The following COMMD1 variants were observed in gnomAD, a reference collection of about 807,000 sequenced individuals.
The protein encoded by COMMD1 is COMM domain-containing protein 1.
In COMMD1, 10 loss-of-function variants were observed where a neutral mutation model predicts 17.2. That is an observed-to-expected ratio of 0.58 (90% CI 0.36 to 0.99). The LOEUF is 0.99. COMMD1 is among the 50% of genes least tolerant of loss of function. The probability of loss-of-function intolerance (pLI) is 0.01; values close to 1 mark genes in which losing one functional copy is unlikely to be tolerated. For synonymous variants in COMMD1, 97 were observed against 91.6 expected, an observed-to-expected ratio of 1.06 and a Z score of -0.34; for missense variants, 270 against 231.8, an observed-to-expected ratio of 1.17 and a Z score of -1.07.
intron 1 of COMMD1, among the ~76,000 whole-genome samples, chr2:61,986,268 T>C (rs945238014): frequency 3.3e-4 from 50 of 152,014 alleles, no homozygotes; most frequent in African/African-American, 1.1e-3. Flanking sequence ...CTCCATTGCA[T>C]GTTATTTGTT....
chr2:61,966,395 C>CT (rs568748072), intron 1 of COMMD1, among the ~76,000 whole-genome samples: 3 of 152,140 alleles, frequency 2.0e-5, no homozygotes, highest in African/African-American at 4.8e-5. Context: ...AAATAAATTT[C>CT]TTTTTTTTAA....
intron 1 of COMMD1, among the ~76,000 whole-genome samples, chr2:61,994,369 A>T (rs1016833196): frequency 7.2e-5 from 11 of 152,226 alleles, no homozygotes; most frequent in African/African-American, 2.7e-4. Flanking sequence ...TGTTTATTGA[A>T]TTGTAATGTG....
intron 1 of COMMD1, among the ~76,000 whole-genome samples, chr2:61,911,567 C>T (rs1372796009): frequency 6.6e-6 from 1 of 152,192 alleles, no homozygotes; most frequent in Non-Finnish European, 1.5e-5. Flanking sequence ...GAACTGACCA[C>T]GAGTGATCCT....
At chr2:61,897,190 A>T (rs766635536) in intron 1 of COMMD1, among the ~76,000 whole-genome samples, 12 of 151,930 alleles carry the variant, frequency 7.9e-5, no homozygotes, top group Admixed American at 1.3e-4. Flanking sequence ...GTATTAAAAA[A>T]CCTTGTTAAA....
At chr2:62,109,407 C>T (rs181712341) in intron 2 of COMMD1, among the ~76,000 whole-genome samples, 1 of 152,226 alleles carries the variant, frequency 6.6e-6, no homozygotes, top group African/African-American at 2.4e-5. Context: ...GTAGCTACGC[C>T]CATCTCTTCT....
chr2:61,940,335 T>C (rs1173642693), intron 1 of COMMD1, among the ~76,000 whole-genome samples: 1 of 152,178 alleles, frequency 6.6e-6, no homozygotes, highest in Non-Finnish European at 1.5e-5. Flanking sequence ...ACAGTACCCA[T>C]TTTCATAAGA....
intron 2 of COMMD1, among the ~76,000 whole-genome samples, chr2:62,105,042 T>G (rs886296712): frequency 2.0e-5 from 3 of 151,738 alleles, no homozygotes; most frequent in African/African-American, 7.3e-5. Flanking sequence ...GGAGAATCGC[T>G]TGAACCTGGG....
chr2:61,948,734 CTT>C (rs1186990921), intron 1 of COMMD1, among the ~76,000 whole-genome samples: 1 of 152,150 alleles, frequency 6.6e-6, no homozygotes, highest in Non-Finnish European at 1.5e-5. Flanking sequence ...GCAGAGGAGA[CTT>C]TTAAGACTTT....
chr2:62,085,065 T>C (rs889424119), intron 2 of COMMD1, among the ~76,000 whole-genome samples: 3 of 152,190 alleles, frequency 2.0e-5, no homozygotes, highest in African/African-American at 7.2e-5. Flanking sequence ...ACCCTAATTA[T>C]AGAAGTAGTT....
At chr2:61,916,524 C>T (rs145373233) in intron 1 of COMMD1, among the ~76,000 whole-genome samples, 12 of 152,172 alleles carry the variant, frequency 7.9e-5, no homozygotes, top group African/African-American at 2.7e-4. Context: ...GGGGCTCAAG[C>T]GATCTTCCTA....
intron 1 of COMMD1, among the ~76,000 whole-genome samples, chr2:61,998,551 C>T (rs921441979): frequency 4.6e-5 from 7 of 152,280 alleles, no homozygotes; most frequent in East Asian, 1.9e-4. Context: ...TGAACCACTG[C>T]GCCCGGCTGT....
chr2:62,042,123 C>G (rs1489201042), intron 2 of COMMD1, among the ~76,000 whole-genome samples: 3 of 152,170 alleles, frequency 2.0e-5, no homozygotes, highest in South Asian at 2.1e-4. Flanking sequence ...GTCTGTTTGA[C>G]AGAGCGCTGA....
At chr2:61,895,352 C>T (rs1294448894) in intron 1 of COMMD1, among the ~76,000 whole-genome samples, 1 of 152,204 alleles carries the variant, frequency 6.6e-6, no homozygotes, top group Admixed American at 6.5e-5. Flanking sequence ...TGTTTTGAGA[C>T]AGCAGAACCG....
intron 2 of COMMD1, among the ~76,000 whole-genome samples, chr2:62,077,487 A>G (rs889315417): frequency 2.0e-5 from 3 of 152,164 alleles, no homozygotes; most frequent in Non-Finnish European, 4.4e-5. Context: ...AACAGCGTTG[A>G]CATTGTTACG....
chr2:61,985,218 T>C (rs1294882107), intron 1 of COMMD1, among the ~76,000 whole-genome samples: 2 of 151,942 alleles, frequency 1.3e-5, no homozygotes, highest in Non-Finnish European at 2.9e-5. Flanking sequence ...GCCTGGCTAA[T>C]TTTTTGTATT....
At chr2:62,078,870 C>A (rs1176126575) in intron 2 of COMMD1, among the ~76,000 whole-genome samples, 1 of 149,660 alleles carries the variant, frequency 6.7e-6, no homozygotes, top group Non-Finnish European at 1.5e-5. Flanking sequence ...GAGTGAGACT[C>A]CATCTCAGAA....
chr2:62,033,017 AC>A (rs1025535474), intron 2 of COMMD1, among the ~76,000 whole-genome samples: 42 of 152,282 alleles, frequency 2.8e-4, no homozygotes, highest in African/African-American at 9.6e-4. Context: ...TGATCTGCCC[AC>A]CTTGGCCTCC....
chr2:61,960,394 G>T (rs1180494632), intron 1 of COMMD1, among the ~76,000 whole-genome samples: 1 of 152,112 alleles, frequency 6.6e-6, no homozygotes, highest in Admixed American at 6.6e-5. Flanking sequence ...TAACCTTCGA[G>T]TACAAGGTAT....
intron 1 of COMMD1, among the ~76,000 whole-genome samples, chr2:61,965,305 T>G (rs181676089): frequency 7.2e-5 from 11 of 152,340 alleles, no homozygotes; most frequent in African/African-American, 2.6e-4. Context: ...TGAAATATTT[T>G]TTAATTTTGT....
Sources: allele counts gnomAD v4.1 joint callset (sites outside exome capture counted in the v4.1 genomes callset), GRCh38; gene constraint gnomAD v4.1.1; transcripts MANE v1.5; gene names NCBI Gene and HGNC (gene_info 2026-07-23, HGNC 2026-07-21).